Variants in UNKL observed in about 807,000 individuals in gnomAD.
UNKL encodes the protein unk like zinc finger.
In UNKL, 60 loss-of-function variants were observed where a neutral mutation model predicts 78.0. That is an observed-to-expected ratio of 0.77 (90% CI 0.63 to 0.95). UNKL has a LOEUF of 0.95. Ranked by LOEUF, UNKL falls within the 40% of genes least tolerant of loss-of-function variation. The pLI is 0.00. For synonymous variants in UNKL, 608 were observed against 474.8 expected, an observed-to-expected ratio of 1.28 and a Z score of -3.65; for missense variants, 1,159 against 1,045.7, an observed-to-expected ratio of 1.11 and a Z score of -1.49.
Position 1,387,386 on chromosome 16 carries a change from CT to C in UNKL, c.1087-2002del, listed in dbSNP as rs1227870076. ...TGCCATCTCAGTGGCAACCCGCCCC[CT>C]ATCCCTTGCACTTCCTGTCCCTGCT... On this transcript the variant is annotated intron_variant, in intron 9 of 14. Transcript: ENST00000389221. This position sits in a 1 kb window ranked among gnomAD's most constrained non-coding sequence, Gnocchi z 4.1. Among the ~76,000 whole-genome samples the C allele has an allele frequency of 1.3e-5, 2 of 152,174 alleles. No homozygotes were observed. The highest frequency in any genetic ancestry group is 2.9e-5 in the Non-Finnish European group (2 of 67,990).
At chr16:1,410,505 G>A (rs543806056) in intron 2 of UNKL, among the ~76,000 whole-genome samples, 3 of 152,264 alleles carry the variant, frequency 2.0e-5, no homozygotes, top group East Asian at 3.9e-4. Context: ...TACTTGGGAG[G>A]CTGAGGCAGG....
chr16:1,368,883 TTTG>T (rs2035539587), intron 12 of UNKL, among the ~76,000 whole-genome samples: 1 of 151,918 alleles, frequency 6.6e-6, no homozygotes, highest in African/African-American at 2.4e-5. Flanking sequence ...AGAGTGAAAC[TTTG>T]TTTTAAAAAA....
At chr16:1,388,116 CCCA>C (rs2036894573) in intron 9 of UNKL, among the ~76,000 whole-genome samples, 1 of 152,184 alleles carries the variant, frequency 6.6e-6, no homozygotes, top group Non-Finnish European at 1.5e-5. Flanking sequence ...GGGCCCCGGG[CCCA>C]CCAAGAAGCC....
chr16:1,366,412 A>G lies in UNKL; in HGVS notation c.2047-17T>C, dbSNP rs898319557. On this transcript the variant is annotated splice_polypyrimidine_tract_variant and intron_variant, in intron 14 of 14. Coordinates refer to ENST00000389221, the MANE Select transcript of UNKL (RefSeq NM_001372107.1). ...GAAGATCACCTGCAGGGCCAGAACA[A>G]TGACGGGCTCAGGAGGCCCCTGCCC... 5.7e-6 allele frequency: 9 copies of G among 1,565,866 alleles called. No homozygotes were observed. Among genetic ancestry groups the G allele is most frequent in the African/African-American group, 4.0e-5 (3 of 74,172 alleles).
At chr16:1,380,106 G>A (rs1326858211) in intron 10 of UNKL, among the ~76,000 whole-genome samples, 1 of 152,246 alleles carries the variant, frequency 6.6e-6, no homozygotes, top group Admixed American at 6.5e-5. Context: ...GGAGCTCGCA[G>A]GTCTCTCTTA....
chr16:1,392,933 G>A lies in UNKL; in HGVS notation c.981C>T (p.His327=), dbSNP rs1320287844. 1 of 1,550,464 alleles carries A rather than the reference G, an allele frequency of 6.4e-7. No homozygotes were observed. Among genetic ancestry groups the A allele is most frequent in the African/African-American group, 1.4e-5 (1 of 73,052 alleles). The part of the protein sequence containing the change: ...MVNEWGCHDL[H]LTSPSSTGSG... ...TGCCCGTGGAGGAAGGACTCGTGAG[G>A]TGGAGGTCGTGACAGCCCCATTCAT... is the stretch of plus-strand genomic sequence containing the variant. The change falls in exon 8 of 15, where the codon CAC becomes CAT. Residue 327 remains histidine, a synonymous_variant. Coordinates refer to ENST00000389221, the MANE Select transcript of UNKL (RefSeq NM_001372107.1).
At chr16:1,398,679 G>GCTGGCCCCCCC in intron 5 of UNKL, 2 of 1,356,324 alleles carry the variant, frequency 1.5e-6, no homozygotes, top group Non-Finnish European at 1.9e-6. Context: ...TGTGGGGTCT[G>GCTGGCCCCCCC]CACCCCCCCA....
chr16:1,381,040 A>G (rs542845922), intron 10 of UNKL, among the ~76,000 whole-genome samples: 4 of 152,056 alleles, frequency 2.6e-5, no homozygotes, highest in Non-Finnish European at 5.9e-5. Context: ...AAAACAGGTC[A>G]AAAACGTACC....
intron 10 of UNKL, among the ~76,000 whole-genome samples, chr16:1,372,736 G>C (rs534653363): frequency 4.6e-5 from 7 of 152,350 alleles, no homozygotes; most frequent in African/African-American, 1.7e-4. Flanking sequence ...GGCTGCAGGA[G>C]CTCTGGGATA....
At chr16:1,413,287 G>A (rs998207125) in intron 2 of UNKL, among the ~76,000 whole-genome samples, 9 of 138,432 alleles carry the variant, frequency 6.5e-5, no homozygotes, top group African/African-American at 1.9e-4. Flanking sequence ...AAAAAAGTGG[G>A]GCCGGGTACG....
chr16:1,367,193 G>C lies in UNKL; in HGVS notation c.1945C>G (p.Leu649Val). Reference protein sequence around the residue: ...ELEGLGVASTLPGLRGCGDIG... With the variant: ...ELEGLGVASTVPGLRGCGDIG... ...TCCCCACAGCCCCGCAGCCCCGGCA[G>C]TGTGGAGGCTACGCCCAGGCCCTCC... Residue 649 changes from leucine (L) to valine (V), a missense_variant, in exon 14 of 15, where the codon CTG becomes GTG. Transcript: ENST00000389221. 6.2e-7 allele frequency: 1 copy of C among 1,606,096 alleles called. No homozygotes were observed.
At position 1,363,462 on chromosome 16, in the gene UNKL, G is replaced by C. The variant is rs928904342; in HGVS notation, c.*2778C>G. The C allele has an allele frequency of 2.9e-6, 1 of 339,642 alleles. No individual in the cohort carries two copies. The highest frequency in any genetic ancestry group is 7.9e-5 in the East Asian group (1 of 12,668). 21.0% of individuals were successfully genotyped at this position (339,642 alleles called of 1,614,324 possible). A position where few individuals can be genotyped will look rare whatever the true frequency, so the allele number is the denominator to read the frequency against. ...ACTTGAGGCGTCCACGCGGAACAAG[G>C]TCTGCTGACCACAGTTACACACGTC... On this transcript the variant is annotated 3_prime_UTR_variant, in exon 15 of 15. Coordinates refer to ENST00000389221, the MANE Select transcript of UNKL (RefSeq NM_001372107.1).
chr16:1,394,357 T>A, intron 6 of UNKL, 142 bp from the exon 7 acceptor site: 1 of 975,256 alleles, frequency 1.0e-6, no homozygotes, highest in African/African-American at 1.6e-5. Flanking sequence ...GGCCCTGCCC[T>A]CCTCCACGTG....
intron 12 of UNKL, among the ~76,000 whole-genome samples, chr16:1,368,374 G>A (rs576212391): frequency 2.0e-5 from 3 of 151,230 alleles, no homozygotes; most frequent in South Asian, 2.1e-4. Flanking sequence ...AGGCCGAGGC[G>A]GGTGGATCAT....
At chr16:1,406,151 C>T in intron 2 of UNKL, 1 of 427,538 alleles carries the variant, frequency 2.3e-6, no homozygotes, top group Non-Finnish European at 4.8e-6. Context: ...GGGCCCAGAG[C>T]ACAGCACTGA....
intron 6 of UNKL, 68 bp from the exon 7 acceptor site, chr16:1,394,283 A>G (rs2037167750): frequency 6.6e-7 from 1 of 1,513,858 alleles, no homozygotes; most frequent in African/African-American, 1.4e-5. Flanking sequence ...CACAGCTGGC[A>G]TCATCCCAAG....
intron 14 of UNKL, among the ~76,000 whole-genome samples, chr16:1,366,631 C>A (rs2035279183): frequency 6.6e-6 from 1 of 152,182 alleles, no homozygotes; most frequent in African/African-American, 2.4e-5. Context: ...CTGGGGCCAC[C>A]ACAGACACGG....
intron 2 of UNKL, chr16:1,405,762 G>C (rs2037729373): frequency 2.9e-6 from 1 of 340,558 alleles, no homozygotes; most frequent in African/African-American, 2.2e-5. Flanking sequence ...GAGACAATCA[G>C]TGAGCAGAGC....
At chr16:1,412,714 G>C (rs900178045) in intron 2 of UNKL, among the ~76,000 whole-genome samples, 1 of 152,194 alleles carries the variant, frequency 6.6e-6, no homozygotes, top group African/African-American at 2.4e-5. Context: ...TCTACAGCGT[G>C]AATATTCTAA....
Sources: gnomAD v4.1 joint callset for allele counts (sites outside exome capture counted in the v4.1 genomes callset) on GRCh38, gnomAD v4.1.1 for gene constraint, Gnocchi (gnomAD v3.1) non-coding constraint, MANE v1.5 for transcripts, NCBI Gene and HGNC (gene_info 2026-07-23, HGNC 2026-07-21) for gene names.